The following KIF6 variants were observed in gnomAD, a reference collection of about 807,000 sequenced individuals.
The protein encoded by KIF6 is kinesin-like protein KIF6.
Under a neutral mutation model 112.7 loss-of-function variants are expected in KIF6, and 106 were observed. That is an observed-to-expected ratio of 0.94 (90% CI 0.80 to 1.11). The LOEUF is 1.11. Ranked by LOEUF, KIF6 falls within the 50% of genes least tolerant of loss-of-function variation. The pLI, the probability that KIF6 is intolerant of heterozygous loss-of-function variation, is 0.00. For synonymous variants in KIF6, 339 were observed against 339.9 expected (o/e 1.00, Z 0.03); for missense variants, 929 against 964.0 (o/e 0.96, Z 0.48).
intron 6 of KIF6, among the ~76,000 whole-genome samples, chr6:39,607,223 T>TA (rs1460098724): frequency 1.3e-5 from 2 of 152,178 alleles, no homozygotes; most frequent in Admixed American, 1.3e-4. Flanking sequence ...ATGGAGTATA[T>TA]AAATCTTAAA....
At chr6:39,681,508 A>G (rs1341859958) in intron 3 of KIF6, among the ~76,000 whole-genome samples, 1 of 152,182 alleles carries the variant, frequency 6.6e-6, no homozygotes, top group African/African-American at 2.4e-5. Flanking sequence ...TCTTGTCAAC[A>G]AATCATAATT....
At chr6:39,594,333 A>G (rs1363472669) in intron 7 of KIF6, among the ~76,000 whole-genome samples, 1 of 152,240 alleles carries the variant, frequency 6.6e-6, no homozygotes, top group African/African-American at 2.4e-5. Context: ...ATTAAAACAG[A>G]CAGTGCTACC....
At chr6:39,581,167 T>C (rs1403184334) in intron 9 of KIF6, among the ~76,000 whole-genome samples, 1 of 145,608 alleles carries the variant, frequency 6.9e-6, no homozygotes, top group East Asian at 2.0e-4. Context: ...CTTTCTTTTT[T>C]TTTTTTTTTT....
intron 13 of KIF6, among the ~76,000 whole-genome samples, chr6:39,480,697 G>T (rs1001305399): frequency 6.6e-6 from 1 of 151,938 alleles, no homozygotes; most frequent in Non-Finnish European, 1.5e-5. Context: ...GGGCTTTGTT[G>T]TGTTGGTAAT....
chr6:39,596,245 C>T lies in KIF6; in HGVS notation c.655G>A (p.Ala219Thr), dbSNP rs1205488741. Reference sequence around the variant, plus strand: ...AAAATGCAGTGGGAACGGGTTGAAGCTTGGTTCATAGGAGTCTATAAAAAA... The same window carrying T: ...AAAATGCAGTGGGAACGGGTTGAAGTTTGGTTCATAGGAGTCTATAAAAAA... ...RMIAETPMNQ[A>T]STRSHCIFTI... Residue 219 changes from alanine (A) to threonine (T), a missense_variant, in exon 7 of 23, where the codon GCT (alanine) becomes ACT (threonine). Ala to Thr is a moderately conservative substitution (Grantham distance 58). Around this residue, in one of 2 missense-constraint regions of KIF6, gnomAD observed 688 missense variants for 662.7 expected, o/e 1.04. Coordinates refer to ENST00000287152, the MANE Select transcript of KIF6 (RefSeq NM_145027.6). 1 of 1,613,686 alleles carries T rather than the reference C, an allele frequency of 6.2e-7. No homozygotes were observed. The highest frequency in any genetic ancestry group is 8.5e-7 in the Non-Finnish European group (1 of 1,179,842).
chr6:39,462,624 GA>G (rs1188344497), intron 13 of KIF6, among the ~76,000 whole-genome samples: 12 of 152,112 alleles, frequency 7.9e-5, no homozygotes, highest in Non-Finnish European at 1.6e-4. Context: ...GAAGAATAAT[GA>G]AAAATGAGTC....
At chr6:39,473,152 C>T (rs537724868) in intron 13 of KIF6, among the ~76,000 whole-genome samples, 303 of 152,108 alleles carry the variant, frequency 2.0e-3, no homozygotes, top group Middle Eastern at 3.4e-3. Flanking sequence ...TCCCAAAGTG[C>T]TGGGATTACA....
intron 13 of KIF6, among the ~76,000 whole-genome samples, chr6:39,533,123 T>C (rs1032026653): frequency 2.6e-5 from 4 of 152,194 alleles, no homozygotes; most frequent in African/African-American, 9.7e-5. Flanking sequence ...TCTAAGGTAC[T>C]GGGTTCATCT....
At chr6:39,628,325 T>C (rs1034215340) in intron 5 of KIF6, among the ~76,000 whole-genome samples, 1 of 152,102 alleles carries the variant, frequency 6.6e-6, no homozygotes, top group Non-Finnish European at 1.5e-5. Flanking sequence ...TGCATGTGCT[T>C]GTGTGTACAT....
At chr6:39,371,362 C>T (rs1765973137) in intron 16 of KIF6, among the ~76,000 whole-genome samples, 1 of 152,210 alleles carries the variant, frequency 6.6e-6, no homozygotes, top group Non-Finnish European at 1.5e-5. Flanking sequence ...CTTCCTTACA[C>T]CCTCTGCCTT....
intron 3 of KIF6, among the ~76,000 whole-genome samples, chr6:39,689,496 C>A (rs1414403127): frequency 5.9e-5 from 9 of 151,726 alleles, no homozygotes; most frequent in Admixed American, 3.3e-4. Context: ...GAAACTTTCT[C>A]AAAAAATAGT....
intron 3 of KIF6, among the ~76,000 whole-genome samples, chr6:39,655,910 G>A (rs1785754793): frequency 6.6e-6 from 1 of 152,092 alleles, no homozygotes; most frequent in Non-Finnish European, 1.5e-5. Context: ...TCTTGTACAT[G>A]TTCCTTTCCT....
At chr6:39,568,650 C>T (rs532142498) in intron 10 of KIF6, among the ~76,000 whole-genome samples, 1 of 151,892 alleles carries the variant, frequency 6.6e-6, no homozygotes, top group South Asian at 2.1e-4. Context: ...TCCCGGGTTT[C>T]AGTAATTCTC....
intron 6 of KIF6, among the ~76,000 whole-genome samples, chr6:39,610,167 G>C (rs1783139024): frequency 1.3e-5 from 2 of 152,148 alleles, no homozygotes; most frequent in South Asian, 2.1e-4. Flanking sequence ...GGTGGACTTG[G>C]ATGCTGGGTC....
At chr6:39,555,538 G>C (rs1779655992) in intron 10 of KIF6, among the ~76,000 whole-genome samples, 1 of 152,164 alleles carries the variant, frequency 6.6e-6, no homozygotes, top group African/African-American at 2.4e-5. Context: ...TCTCTAGCTA[G>C]GACTCTGGGT....
intron 13 of KIF6, among the ~76,000 whole-genome samples, chr6:39,495,597 G>A (rs1775737652): frequency 6.6e-6 from 1 of 152,208 alleles, no homozygotes; most frequent in South Asian, 2.1e-4. Context: ...AATAAAAGAG[G>A]TGGGGTGGTG....
chr6:39,505,685 G>T (rs547508886), intron 13 of KIF6, among the ~76,000 whole-genome samples: 1 of 152,212 alleles, frequency 6.6e-6, no homozygotes, highest in South Asian at 2.1e-4. Flanking sequence ...ATTAAACAGT[G>T]GGCAAAGGAC....
chr6:39,363,042 G>A (rs879727586), intron 16 of KIF6, among the ~76,000 whole-genome samples: 36 of 152,146 alleles, frequency 2.4e-4, no homozygotes, highest in Non-Finnish European at 4.3e-4. Flanking sequence ...CCAGCTACTC[G>A]GGAGGCTGAG....
intron 2 of KIF6, among the ~76,000 whole-genome samples, chr6:39,716,801 C>T (rs1460234421): frequency 6.6e-6 from 1 of 152,194 alleles, no homozygotes; most frequent in East Asian, 1.9e-4. Context: ...TGACTTCTTC[C>T]CACCCTAAAG....
Sources: gnomAD v4.1 joint callset for allele counts (sites outside exome capture counted in the v4.1 genomes callset) on GRCh38, gnomAD v4.1.1 for gene constraint, gnomAD v4.1.1 regional missense constraint, MANE v1.5 for transcripts, NCBI Gene and HGNC (gene_info 2026-07-23, HGNC 2026-07-21) for gene names.